The following ST3GAL3 variants were observed in gnomAD, a reference collection of about 807,000 sequenced individuals.
ST3GAL3 encodes the protein CMP-N-acetylneuraminate-beta-1,4-galactoside alpha-2,3-sialyltransferase.
In ST3GAL3, 21 loss-of-function variants were observed where a neutral mutation model predicts 50.1. The ratio of observed to expected loss-of-function variants is 0.42; its 90% CI spans 0.30 to 0.60. The LOEUF (loss-of-function observed/expected upper bound fraction) is 0.60. Ranked by LOEUF, ST3GAL3 falls within the 20% of genes least tolerant of loss-of-function variation. The pLI is 0.19. For missense variants in ST3GAL3, 353 were observed against 489.4 expected (o/e 0.72, Z 2.63); for synonymous variants, 183 against 190.0 (o/e 0.96, Z 0.30).
rs573669286 is a variant in ST3GAL3, at chr1:43,769,396, GC to G, written c.119-22704del. Among the ~76,000 whole-genome samples the G allele has an allele frequency of 1.2e-4, 19 of 152,248 alleles. No individual in the cohort carries two copies. In the South Asian group the frequency reaches 3.3e-3, roughly 27 times the overall value. On this transcript the variant is annotated intron_variant, in intron 2 of 11. Coordinates refer to ENST00000347631, the MANE Select transcript of ST3GAL3 (RefSeq NM_006279.5). ...TTTCTAATATTGAGCTGAATGCCTA[GC>G]CTGGTGCACTGAGGCAAGAAAAACC...
chr1:43,829,995 CTTTTTTTTTTT>C (rs71579312), intron 4 of ST3GAL3, among the ~76,000 whole-genome samples: 17 of 70,110 alleles, frequency 2.4e-4, no homozygotes, highest in South Asian at 7.8e-4. Flanking sequence ...ATAAAAATTC[CTTTTTTTTTTT>C]TTTTTTTTTT....
At chr1:43,784,365 C>T (rs768215414) in intron 2 of ST3GAL3, among the ~76,000 whole-genome samples, 3 of 152,010 alleles carry the variant, frequency 2.0e-5, no homozygotes, top group East Asian at 1.9e-4. Flanking sequence ...AAAAATTGGC[C>T]GAGTGTGGTG....
At position 43,899,814 on chromosome 1, in the gene ST3GAL3, A is replaced by C; in HGVS notation, c.744+87A>C. 1 of 1,272,284 alleles carries C rather than the reference A, an allele frequency of 7.9e-7. No homozygotes were observed. Among genetic ancestry groups the C allele is most frequent in the South Asian group, 1.2e-5 (1 of 81,164 alleles). The allele number at this position is 1,272,284 out of a possible 1,614,324, so 78.8% of individuals were successfully genotyped here. A position where few individuals can be genotyped will look rare whatever the true frequency, so the allele number is the denominator to read the frequency against. On this transcript the variant is annotated intron_variant, in intron 9 of 11. Transcript: ENST00000347631. The surrounding 1 kb of genome is among the most constrained non-coding windows in gnomAD (Gnocchi z 5.4). ...ATCCCGCCCCTTGAATGCAGCAAAG[A>C]ACGAGTAAGAACCTTCAAAGGAAAC...
chr1:43,915,458 ATCTGC>A (rs2081625639), intron 9 of ST3GAL3, among the ~76,000 whole-genome samples: 1 of 152,212 alleles, frequency 6.6e-6, no homozygotes, highest in South Asian at 2.1e-4. Flanking sequence ...CTTGCCCAGG[ATCTGC>A]ACATGGTGAG....
rs1038212285 is a variant in ST3GAL3 at position 43,765,780 on chromosome 1, T to C, written c.119-26322T>C. On this transcript the variant is annotated intron_variant, in intron 2 of 11. Transcript: ENST00000347631. The stretch of plus-strand genomic sequence containing the variant: ...GTGTGTGTGTGTGTGTGTGTGTGTG[T>C]GTGTGCGCGCGCGCGCGCGCGTCCG... Among the ~76,000 whole-genome samples, 1,038 of 138,812 alleles carry C rather than the reference T, an allele frequency of 7.5e-3. 4 individuals carry two copies. The highest frequency in any genetic ancestry group is 0.012 in the Admixed American group (174 of 14,606). 91.1% of individuals were successfully genotyped at this position (138,812 alleles called of 152,430 possible).
chr1:43,912,781 A>C (rs1009960877), intron 9 of ST3GAL3: 2 of 152,232 alleles, frequency 1.3e-5, no homozygotes, highest in Non-Finnish European at 2.9e-5. Flanking sequence ...ATGTTCTGAC[A>C]AGAGCAGAAC....
At chr1:43,760,863 A>G (rs1016558880) in intron 2 of ST3GAL3, among the ~76,000 whole-genome samples, 6 of 152,248 alleles carry the variant, frequency 3.9e-5, no homozygotes, top group Admixed American at 6.5e-5. Flanking sequence ...AAAATGTGGT[A>G]TATCCAAACG....
chr1:43,809,524 C>G (rs1473470996), intron 3 of ST3GAL3, among the ~76,000 whole-genome samples: 2 of 151,660 alleles, frequency 1.3e-5, no homozygotes, highest in African/African-American at 4.9e-5. Context: ...AGTGAGACCC[C>G]TGTCTCTACA....
intron 5 of ST3GAL3, chr1:43,858,426 TGGTGAGAGCAGGC>T: frequency 1.1e-6 from 1 of 888,358 alleles, no homozygotes; most frequent in Non-Finnish European, 1.5e-6. Flanking sequence ...GCACAGTCCC[TGGTGAGAGCAGGC>T]AGGCTGGCTG....
intron 11 of ST3GAL3, among the ~76,000 whole-genome samples, chr1:43,927,277 A>G (rs1381256873): frequency 1.3e-5 from 2 of 152,234 alleles, no homozygotes; most frequent in African/African-American, 4.8e-5. Context: ...GTGAGCCAAG[A>G]TCGCACCATT....
At chr1:43,781,288 T>A (rs1032361674) in intron 2 of ST3GAL3, among the ~76,000 whole-genome samples, 1 of 152,200 alleles carries the variant, frequency 6.6e-6, no homozygotes, top group African/African-American at 2.4e-5. Flanking sequence ...AGCTTGTTTT[T>A]GTGTGACCTG....
rs1160469384 is a variant in ST3GAL3 at position 43,899,810 on chromosome 1, AAAGAACGAGT to A, written c.744+90_744+99del. ...AGCAATCCCGCCCCTTGAATGCAGC[AAAGAACGAGT>A]AAGAACCTTCAAAGGAAACATTAAT... On this transcript the variant is annotated intron_variant, in intron 9 of 11. Coordinates refer to ENST00000347631, the MANE Select transcript of ST3GAL3 (RefSeq NM_006279.5). The surrounding 1 kb of genome is among the most constrained non-coding windows in gnomAD (Gnocchi z 5.4). The A allele has an allele frequency of 1.5e-6, 2 of 1,324,658 alleles. No individual in the cohort carries two copies. Among genetic ancestry groups the A allele is most frequent in the Non-Finnish European group, 2.2e-6 (2 of 926,306 alleles). The allele number at this position is 1,324,658 out of a possible 1,614,324, so 82.1% of individuals were successfully genotyped here.
chr1:43,764,751 C>T (rs186427461), intron 2 of ST3GAL3, among the ~76,000 whole-genome samples: 1 of 152,326 alleles, frequency 6.6e-6, no homozygotes, highest in Admixed American at 6.5e-5. Context: ...CGAGGGCTGC[C>T]CCAGGAAGGG....
At chr1:43,761,843 C>T (rs1180709081) in intron 2 of ST3GAL3, among the ~76,000 whole-genome samples, 1 of 146,716 alleles carries the variant, frequency 6.8e-6, no homozygotes, top group South Asian at 2.2e-4. Context: ...CCCAGCTACT[C>T]GGGAGGCTGG....
At chr1:43,917,917 C>T (rs956989791) in intron 9 of ST3GAL3, among the ~76,000 whole-genome samples, 2 of 150,416 alleles carry the variant, frequency 1.3e-5, no homozygotes, top group Admixed American at 6.7e-5. Context: ...TGATCTGCCC[C>T]TCGGCCTCCC....
chr1:43,717,043 C>T (rs1163252989), intron 1 of ST3GAL3, among the ~76,000 whole-genome samples: 1 of 152,300 alleles, frequency 6.6e-6, no homozygotes, highest in Non-Finnish European at 1.5e-5. Flanking sequence ...TTTCAGACTC[C>T]TTAGCGTGGC....
At chr1:43,829,995 CTTTTTTTTTTTTTTT>C (rs71579312) in intron 4 of ST3GAL3, among the ~76,000 whole-genome samples, 2,575 of 70,210 alleles carry the variant, frequency 0.037, 124 homozygotes, top group African/African-American at 0.12. Flanking sequence ...ATAAAAATTC[CTTTTTTTTTTTTTTT>C]TTTTTTTTTT....
Position 43,899,859 on chromosome 1 carries a change from A to C in ST3GAL3, c.744+132A>C. On this transcript the variant is annotated intron_variant, in intron 9 of 11. Coordinates refer to ENST00000347631, the MANE Select transcript of ST3GAL3 (RefSeq NM_006279.5). This position sits in a 1 kb window ranked among gnomAD's most constrained non-coding sequence, Gnocchi z 5.4. ...GGAAACATTAATGACCCAAAGCCGA[A>C]ATCACCCAATGGCAACCAGGGGGCA... 1 of 915,330 alleles carries C rather than the reference A, an allele frequency of 1.1e-6. No individual in the cohort carries two copies. Among genetic ancestry groups the C allele is most frequent in the Non-Finnish European group, 1.7e-6 (1 of 577,188 alleles). The allele number at this position is 915,330 out of a possible 1,614,324, so 56.7% of individuals were successfully genotyped here.
At position 43,819,586 on chromosome 1, in the gene ST3GAL3, C is replaced by T. The variant is rs193012806; in HGVS notation, c.209+4653C>T. 2.3e-4 allele frequency among the ~76,000 whole-genome samples: 35 copies of T among 152,244 alleles called. No individual in the cohort carries two copies. The East Asian group carries it at 5.6e-3, about 24-fold the overall frequency. On this transcript the variant is annotated intron_variant, in intron 4 of 11. Transcript: ENST00000347631. ...AGCTATATCTTGAGAATTATCTCCT[C>T]GCTCCAGATGTTTTCTATTCTTGGA...
Sources: allele counts gnomAD v4.1 joint callset (sites outside exome capture counted in the v4.1 genomes callset), GRCh38; gene constraint gnomAD v4.1.1; non-coding constraint Gnocchi (gnomAD v3.1); transcripts MANE v1.5; gene names NCBI Gene and HGNC (gene_info 2026-07-23, HGNC 2026-07-21).